The following TMEM87B variants were observed in gnomAD, a reference collection of about 807,000 sequenced individuals.
TMEM87B encodes transmembrane protein 87B.
Under a neutral mutation model 80.3 loss-of-function variants are expected in TMEM87B, and 83 were observed. The observed-to-expected ratio is 1.03, with a 90% CI of 0.87 to 1.24. The LOEUF is 1.24. Among genes scored for constraint, TMEM87B ranks in the 50% most tolerant of loss-of-function variants. The probability of loss-of-function intolerance (pLI) is 0.00; values close to 1 mark genes in which losing one functional copy is unlikely to be tolerated. For missense variants in TMEM87B, 625 were observed against 674.4 expected (o/e 0.93, Z 0.81); for synonymous variants, 219 against 230.5 (o/e 0.95, Z 0.45).
intron 15 of TMEM87B, among the ~76,000 whole-genome samples, chr2:112,103,220 A>C (rs918294350): frequency 2.0e-5 from 3 of 152,236 alleles, no homozygotes; most frequent in African/African-American, 4.8e-5. Context: ...TCAAAAATAA[A>C]ATACTTGGAA....
chr2:112,081,610 G>T, intron 8 of TMEM87B, 92 bp downstream of exon 8: 1 of 1,182,268 alleles, frequency 8.5e-7, no homozygotes, highest in Non-Finnish European at 1.2e-6. Flanking sequence ...TCTGAACAGT[G>T]GTTTGGAAAC....
In TMEM87B at chr2:112,055,731, G is replaced by A. The variant is rs1208538283; in HGVS notation, c.140G>A (p.Gly47Glu). The A allele has an allele frequency of 6.6e-7, 1 of 1,523,574 alleles. No homozygotes were observed. Among genetic ancestry groups the A allele is most frequent in the Non-Finnish European group, 8.7e-7 (1 of 1,142,984 alleles). 94.4% of individuals were successfully genotyped at this position (1,523,574 alleles called of 1,614,324 possible). ...GCTGTGCGCGCGGTCCCTGAGCTCGGGCTCTGGTTAGAGACAGTCAACGAC... is the reference window on the plus strand; with the variant it reads ...GCTGTGCGCGCGGTCCCTGAGCTCGAGCTCTGGTTAGAGACAGTCAACGAC... ...PAAVRAVPEL[G>E]LWLETVNDKS... Residue 47 changes from glycine to glutamate, a missense_variant, in exon 1 of 19, where the codon GGG becomes GAG. Physicochemically the swap from Gly to Glu is moderately conservative, Grantham distance 98 (BLOSUM62 -2). Coordinates refer to ENST00000283206, the MANE Select transcript of TMEM87B (RefSeq NM_032824.3).
intron 7 of TMEM87B, 67 bp downstream of exon 7, chr2:112,081,185 G>A (rs937742491): frequency 3.3e-6 from 5 of 1,505,494 alleles, no homozygotes; most frequent in Non-Finnish European, 4.6e-6. Flanking sequence ...CTTTGTGGTA[G>A]TAATTCCTCA....
rs1360509698 is a variant in TMEM87B, at chr2:112,117,144, T to G, written c.*1001T>G. 1 of 152,236 alleles carries G rather than the reference T, an allele frequency of 6.6e-6. No homozygotes were observed. Among genetic ancestry groups the G allele is most frequent in the Non-Finnish European group, 1.5e-5 (1 of 68,040 alleles). The allele number at this position is 152,236 out of a possible 1,614,324, so 9.4% of individuals were successfully genotyped here. On this transcript the variant is annotated 3_prime_UTR_variant, in exon 19 of 19. Transcript: ENST00000283206. The stretch of plus-strand genomic sequence containing the variant: ...CATCATATATTTGTAATGTGTAATA[T>G]GAAATCTTTTGCTTTAATGTCTTTT...
At chr2:112,066,531 G>T (rs911587848) in intron 3 of TMEM87B, among the ~76,000 whole-genome samples, 2 of 152,176 alleles carry the variant, frequency 1.3e-5, no homozygotes, top group Non-Finnish European at 2.9e-5. Context: ...TACCTTTGCT[G>T]TATCTTACTG....
chr2:112,089,483 A>G (rs1356274826), intron 9 of TMEM87B, 142 bp from the exon 10 acceptor site: 1 of 695,440 alleles, frequency 1.4e-6, no homozygotes, highest in African/African-American at 1.8e-5. Context: ...TTCCTAAAAC[A>G]AAGTACCTCA....
At chr2:112,076,098 A>G (rs1678803093) in intron 5 of TMEM87B, among the ~76,000 whole-genome samples, 1 of 152,086 alleles carries the variant, frequency 6.6e-6, no homozygotes, top group South Asian at 2.1e-4. Context: ...TTTAAAAACC[A>G]CACATTAGGC....
chr2:112,066,927 C>A lies in TMEM87B; in HGVS notation c.319-9C>A. ...AATAAATTATAACATAGAATTTTAC[C>A]TTATATAGGAGCTGTTCCAAAAACA... On this transcript the variant is annotated splice_polypyrimidine_tract_variant and intron_variant, in intron 3 of 18. Transcript: ENST00000283206. The A allele has an allele frequency of 6.4e-7, 1 of 1,563,592 alleles. No homozygotes were observed. The highest frequency in any genetic ancestry group is 1.2e-5 in the South Asian group (1 of 81,908).
intron 15 of TMEM87B, among the ~76,000 whole-genome samples, chr2:112,101,241 C>T (rs1196823389): frequency 6.6e-6 from 1 of 151,912 alleles, no homozygotes; most frequent in Non-Finnish European, 1.5e-5. Context: ...ATTTTTTTGT[C>T]CTCTTACTTT....
At chr2:112,055,872 CCT>C in intron 1 of TMEM87B, 116 bp downstream of exon 1, 1 of 1,276,708 alleles carries the variant, frequency 7.8e-7, no homozygotes, top group Non-Finnish European at 1.0e-6. Flanking sequence ...CACCGGGTCC[CCT>C]GATACCCTCC....
chr2:112,055,310 C>T lies in TMEM87B; in HGVS notation c.-282C>T. Reference sequence around the variant, plus strand: ...TAGGCCCTGAGCCCAGCCTCCACGTCTCGCCGCCAACTCCACATCCTGGCT... The same window carrying T: ...TAGGCCCTGAGCCCAGCCTCCACGTTTCGCCGCCAACTCCACATCCTGGCT... On this transcript the variant is annotated 5_prime_UTR_variant, in exon 1 of 19. Transcript: ENST00000283206. The T allele has an allele frequency of 2.1e-6, 1 of 472,280 alleles. No homozygotes were observed. The highest frequency in any genetic ancestry group is 3.7e-6 in the Non-Finnish European group (1 of 268,658). 29.3% of individuals were successfully genotyped at this position (472,280 alleles called of 1,614,324 possible).
chr2:112,080,938 A>G (rs985980905), intron 6 of TMEM87B, 119 bp from the exon 7 acceptor site: 12 of 804,056 alleles, frequency 1.5e-5, no homozygotes, highest in Non-Finnish European at 2.5e-5. Flanking sequence ...TGTATGTGCT[A>G]CATACAAATT....
At chr2:112,085,565 G>T (rs1679117085) in intron 8 of TMEM87B, among the ~76,000 whole-genome samples, 1 of 152,186 alleles carries the variant, frequency 6.6e-6, no homozygotes. Context: ...TGAAGGCAGG[G>T]ATCAAGATGT....
intron 11 of TMEM87B, chr2:112,095,267 C>G: frequency 1.0e-6 from 1 of 962,432 alleles, no homozygotes; most frequent in Non-Finnish European, 1.2e-6. Flanking sequence ...CAGCCTCCCC[C>G]TCTCTCTCCT....
At chr2:112,081,231 T>C in intron 7 of TMEM87B, 104 bp from the exon 8 acceptor site, 1 of 1,431,802 alleles carries the variant, frequency 7.0e-7, no homozygotes, top group Non-Finnish European at 9.6e-7. Context: ...TATTTCTGGT[T>C]CCAGAGTGAC....
intron 16 of TMEM87B, among the ~76,000 whole-genome samples, chr2:112,106,832 T>G (rs1679781554): frequency 6.6e-6 from 1 of 152,222 alleles, no homozygotes; most frequent in African/African-American, 2.4e-5. Context: ...CTGTTAGATT[T>G]GGCAGATTCT....
chr2:112,091,921 A>G, intron 11 of TMEM87B, 138 bp downstream of exon 11: 1 of 642,352 alleles, frequency 1.6e-6, no homozygotes, highest in Non-Finnish European at 2.6e-6. Context: ...AAGGTGAAAA[A>G]GTAGCAACTA....
At chr2:112,064,388 T>G (rs904541771) in intron 3 of TMEM87B, 135 bp downstream of exon 3, 48 of 714,464 alleles carry the variant, frequency 6.7e-5, no homozygotes, top group Admixed American at 4.9e-4. Flanking sequence ...TTTTGGGACT[T>G]ATGGCAATAA....
intron 6 of TMEM87B, among the ~76,000 whole-genome samples, chr2:112,077,561 A>T (rs1023733805): frequency 1.3e-5 from 2 of 152,214 alleles, no homozygotes; most frequent in African/African-American, 4.8e-5. Context: ...AGATTAAAAA[A>T]ATTTTTTTAA....
Sources: allele counts gnomAD v4.1 joint callset (sites outside exome capture counted in the v4.1 genomes callset), GRCh38; gene constraint gnomAD v4.1.1; transcripts MANE v1.5; gene names NCBI Gene and HGNC (gene_info 2026-07-23, HGNC 2026-07-21).